The following DOCK2 variants were observed in gnomAD, a reference collection of about 807,000 sequenced individuals.
DOCK2 encodes the protein dedicator of cytokinesis 2, also known as dedicator of cytokinesis protein 2.
Under a neutral mutation model 248.9 loss-of-function variants are expected in DOCK2, and 87 were observed. The observed-to-expected ratio is 0.35, with a 90% confidence interval of 0.29 to 0.42. The LOEUF (loss-of-function observed/expected upper bound fraction) is 0.42. Among genes scored for constraint, DOCK2 ranks in the 10% least tolerant of loss-of-function variants. DOCK2 has a pLI of 1.00. For synonymous variants in DOCK2, 805 were observed against 821.6 expected, an observed-to-expected ratio of 0.98 and a Z score of 0.35; for missense variants, 1,747 against 2,300.2, an observed-to-expected ratio of 0.76 and a Z score of 4.92.
chr5:169,668,300 TC>T (rs1201351674), intron 2 of DOCK2, among the ~76,000 whole-genome samples: 2 of 152,226 alleles, frequency 1.3e-5, no homozygotes, highest in African/African-American at 4.8e-5. Flanking sequence ...CCTTCCTTTC[TC>T]CTTTTCTCCT....
Position 169,654,562 on chromosome 5 carries a change from G to A in DOCK2, c.127+76G>A, listed in dbSNP as rs543944724. 1,986 of 1,497,080 alleles carry A rather than the reference G, an allele frequency of 1.3e-3. 5 individuals carry two copies. The highest frequency in any genetic ancestry group is 1.7e-3 in the Non-Finnish European group (1,806 of 1,083,038). 92.7% of individuals were successfully genotyped at this position (1,497,080 alleles called of 1,614,324 possible). ...CTATAGTACACCCAGGCCCCTCAGC[G>A]CTGTCTCTGAACCTGCAACTGTGTG... On this transcript the variant is annotated intron_variant, in intron 2 of 51. Coordinates refer to ENST00000520908, the MANE Select transcript of DOCK2 (RefSeq NM_004946.3).
chr5:169,844,736 C>CTT (rs5873195), intron 27 of DOCK2, among the ~76,000 whole-genome samples: 53,642 of 145,992 alleles, frequency 0.37, 10,065 homozygotes, highest in East Asian at 0.65. Context: ...TGCTCTGCCT[C>CTT]TTTTTTTTTT....
At chr5:169,854,723 A>G (rs577112106) in intron 27 of DOCK2, among the ~76,000 whole-genome samples, 1 of 152,350 alleles carries the variant, frequency 6.6e-6, no homozygotes, top group Non-Finnish European at 1.5e-5. Flanking sequence ...AATTCATTCA[A>G]TAAACATATA....
intron 27 of DOCK2, among the ~76,000 whole-genome samples, chr5:169,879,176 T>C (rs1772495375): frequency 1.3e-5 from 2 of 152,180 alleles, no homozygotes; most frequent in Admixed American, 6.5e-5. Context: ...GAAGACCCAG[T>C]GGGCAATCCA....
intron 2 of DOCK2, among the ~76,000 whole-genome samples, chr5:169,663,097 A>G (rs1313261313): frequency 2.6e-5 from 4 of 152,238 alleles, no homozygotes; most frequent in Non-Finnish European, 5.9e-5. Flanking sequence ...GAAAAGGAGA[A>G]ATTAGCCAAA....
chr5:169,924,701 CT>C (rs983037337), intron 27 of DOCK2, among the ~76,000 whole-genome samples: 1 of 152,106 alleles, frequency 6.6e-6, no homozygotes, highest in Non-Finnish European at 1.5e-5. Context: ...ATCTGAGAGG[CT>C]TTTTTTGAAG....
chr5:170,045,821 G>A lies in DOCK2; in HGVS notation c.3882G>A (p.Trp1294Ter), dbSNP rs1460810663. The change falls in exon 39 of 52, where the codon TGG (tryptophan) becomes TGA (stop). Residue 1294 changes from tryptophan (W) to a stop codon, truncating the protein, a stop_gained. Coordinates refer to ENST00000520908, the MANE Select transcript of DOCK2 (RefSeq NM_004946.3). LOFTEE classifies it high-confidence loss of function. ...TCCCTGTGACCTTCCTGTAGATGTGGGAAGAGGCCATAAGTCTGTGCAAGG... is the reference window on the plus strand; with the variant it reads ...TCCCTGTGACCTTCCTGTAGATGTGAGAAGAGGCCATAAGTCTGTGCAAGG... Reference protein sequence around the residue: ...IIGYFDKGKMWEEAISLCKEL... With the variant: ...IIGYFDKGKM 1.9e-6 allele frequency: 3 copies of A among 1,614,108 alleles called. No homozygotes were observed. Among genetic ancestry groups the A allele is most frequent in the Non-Finnish European group, 2.5e-6 (3 of 1,179,994 alleles).
intron 27 of DOCK2, among the ~76,000 whole-genome samples, chr5:169,881,597 C>T (rs1772658292): frequency 6.6e-6 from 1 of 152,176 alleles, no homozygotes; most frequent in African/African-American, 2.4e-5. Flanking sequence ...AATGTCACGA[C>T]AATAGGAGCT....
chr5:169,917,573 A>C (rs555665304), intron 27 of DOCK2, among the ~76,000 whole-genome samples: 1 of 152,292 alleles, frequency 6.6e-6, no homozygotes, highest in Admixed American at 6.5e-5. Flanking sequence ...ATGAAAATTG[A>C]ATGTTGTTTG....
Position 169,849,311 on chromosome 5 carries a change from A to G in DOCK2, c.2799+8459A>G, listed in dbSNP as rs142405540. Among the ~76,000 whole-genome samples, 459 of 152,346 alleles carry G rather than the reference A, an allele frequency of 3.0e-3. 3 individuals carry two copies. Among genetic ancestry groups the G allele is most frequent in the African/African-American group, 0.011 (446 of 41,580 alleles). ...AACTGAGACACAGGGAGGTCATGCA[A>G]CTGGCCCATAACCACACAGCTTGTT... On this transcript the variant is annotated intron_variant, in intron 27 of 51. Transcript: ENST00000520908.
chr5:169,669,343 T>G lies in DOCK2; in HGVS notation c.168+15T>G. 1 of 1,613,980 alleles carries G rather than the reference T, an allele frequency of 6.2e-7. No homozygotes were observed. The highest frequency in any genetic ancestry group is 8.5e-7 in the Non-Finnish European group (1 of 1,179,930). ...AAATGTTACAGGTAAGGTCACCTGG[T>G]TTTTATTTGTGTCAGTACTGGAGGT... On this transcript the variant is annotated intron_variant, in intron 3 of 51. Coordinates refer to ENST00000520908, the MANE Select transcript of DOCK2 (RefSeq NM_004946.3).
intron 27 of DOCK2, among the ~76,000 whole-genome samples, chr5:169,879,352 C>T (rs1390449406): frequency 6.6e-6 from 1 of 152,114 alleles, no homozygotes; most frequent in Non-Finnish European, 1.5e-5. Flanking sequence ...AGTTTGAAGT[C>T]ATTTGAATGT....
intron 27 of DOCK2, among the ~76,000 whole-genome samples, chr5:169,876,088 G>T (rs1261957005): frequency 6.6e-6 from 1 of 152,110 alleles, no homozygotes; most frequent in Non-Finnish European, 1.5e-5. Context: ...ATGCCTCCTG[G>T]CTTGTGACCA....
chr5:169,758,076 C>T (rs78336312), intron 23 of DOCK2, among the ~76,000 whole-genome samples: 9 of 152,182 alleles, frequency 5.9e-5, no homozygotes, highest in Non-Finnish European at 4.4e-5. Context: ...TTTTTTACCA[C>T]GTATTTATAA....
intron 34 of DOCK2, among the ~76,000 whole-genome samples, chr5:170,033,771 G>A (rs1279796328): frequency 6.6e-6 from 1 of 152,158 alleles, no homozygotes; most frequent in Admixed American, 6.5e-5. Context: ...ATGTTAGTTG[G>A]TTAAGTGAAA....
At chr5:170,039,361 G>A (rs962874131) in intron 36 of DOCK2, among the ~76,000 whole-genome samples, 8 of 152,066 alleles carry the variant, frequency 5.3e-5, no homozygotes, top group African/African-American at 1.7e-4. Flanking sequence ...ACATATCATC[G>A]CTGTGTTCTT....
intron 27 of DOCK2, chr5:169,884,187 T>G: frequency 2.1e-5 from 5 of 242,710 alleles, no homozygotes; most frequent in Non-Finnish European, 3.1e-5. Context: ...ACATCTGATC[T>G]ACCAAGAGAG....
intron 27 of DOCK2, among the ~76,000 whole-genome samples, chr5:169,972,529 A>T (rs929524064): frequency 6.7e-6 from 1 of 149,900 alleles, no homozygotes; most frequent in Admixed American, 6.6e-5. Flanking sequence ...CCCAGTTAAG[A>T]GCCACTGTGA....
intron 27 of DOCK2, among the ~76,000 whole-genome samples, chr5:169,914,518 C>T (rs774832193): frequency 4.6e-5 from 7 of 152,166 alleles, no homozygotes; most frequent in Non-Finnish European, 1.0e-4. Flanking sequence ...TTCAAAAGAC[C>T]AAGGCTAAAT....
Sources: allele counts gnomAD v4.1 joint callset (sites outside exome capture counted in the v4.1 genomes callset), GRCh38; gene constraint gnomAD v4.1.1; transcripts MANE v1.5; gene names NCBI Gene and HGNC (gene_info 2026-07-23, HGNC 2026-07-21).